FRMPD1: variants seen among roughly 807,000 people sequenced by gnomAD.
FRMPD1 encodes the protein FERM and PDZ domain-containing protein 1.
A neutral mutation model predicts 117.8 loss-of-function variants in FRMPD1; 76 were observed. That is an observed-to-expected ratio of 0.65 (90% CI 0.54 to 0.78). The LOEUF (loss-of-function observed/expected upper bound fraction) is 0.78. Ranked by LOEUF, FRMPD1 falls within the 30% of genes least tolerant of loss-of-function variation. FRMPD1 has a pLI of 0.00. For synonymous variants in FRMPD1, 783 were observed against 770.4 expected (o/e 1.02, Z -0.27); for missense variants, 1,786 against 1,964.5 (o/e 0.91, Z 1.72).
intron 5 of FRMPD1, among the ~76,000 whole-genome samples, chr9:37,713,494 G>A (rs897826743): frequency 1.3e-5 from 2 of 152,014 alleles, no homozygotes; most frequent in Admixed American, 1.3e-4. Flanking sequence ...AGGGGCTTAG[G>A]TGAGAGAATC....
the FRMPD1 span, among the ~76,000 whole-genome samples, chr9:37,639,327 C>T: frequency 1.3e-5 from 2 of 151,938 alleles, no homozygotes; most frequent in African/African-American, 4.8e-5. Flanking sequence ...TGAGAACTGC[C>T]TGGAGCTAGT....
chr9:37,701,471 T>TTG (rs200016680), intron 2 of FRMPD1, among the ~76,000 whole-genome samples: 54 of 123,702 alleles, frequency 4.4e-4, no homozygotes, highest in South Asian at 7.5e-4. Flanking sequence ...GTTGGGGAAA[T>TTG]TGTGTGTGTG....
chr9:37,675,707 A>G (rs1272976692), intron 1 of FRMPD1, among the ~76,000 whole-genome samples: 2 of 152,164 alleles, frequency 1.3e-5, no homozygotes, highest in Non-Finnish European at 2.9e-5. Flanking sequence ...TAGACCTCTG[A>G]TCTGACCTCT....
At chr9:37,639,423 G>A in the FRMPD1 span, among the ~76,000 whole-genome samples, 1 of 152,168 alleles carries the variant, frequency 6.6e-6, no homozygotes, top group Admixed American at 6.5e-5. Flanking sequence ...TGAATTTGCT[G>A]TGGCTCTGCA....
intron 5 of FRMPD1, among the ~76,000 whole-genome samples, chr9:37,718,849 T>C (rs113260999): frequency 0.01 from 1,559 of 152,352 alleles, 26 homozygotes; most frequent in African/African-American, 0.034. Flanking sequence ...TTTGCTACCA[T>C]GTTGAATGTC....
chr9:37,638,009 T>TC, the FRMPD1 span, among the ~76,000 whole-genome samples: 98 of 126,738 alleles, frequency 7.7e-4, 2 homozygotes, highest in African/African-American at 2.6e-3. Context: ...TCTTTCTTTC[T>TC]TTCTTTCTTT....
At chr9:37,636,954 C>A in the FRMPD1 span, 1 of 1,600,788 alleles carries the variant, frequency 6.2e-7, no homozygotes, top group South Asian at 1.1e-5. Context: ...AGCTTATTGA[C>A]GTTCTCGCTG....
intron 1 of FRMPD1, among the ~76,000 whole-genome samples, chr9:37,657,518 T>G (rs1272022326): frequency 6.6e-6 from 1 of 152,242 alleles, no homozygotes; most frequent in African/African-American, 2.4e-5. Context: ...TACCTGTGAA[T>G]GTGCTGTTAG....
intron 1 of FRMPD1, among the ~76,000 whole-genome samples, chr9:37,671,320 A>C (rs918464340): frequency 6.6e-6 from 1 of 152,336 alleles, no homozygotes; most frequent in African/African-American, 2.4e-5. Context: ...CTTGAATGTC[A>C]TGAATATTTA....
chr9:37,660,525 T>C (rs967221272), intron 1 of FRMPD1, among the ~76,000 whole-genome samples: 2 of 152,200 alleles, frequency 1.3e-5, no homozygotes, highest in Non-Finnish European at 1.5e-5. Context: ...ACTGCACTGC[T>C]TAGAGACCTC....
At chr9:37,723,600 A>G (rs1429591906) in intron 6 of FRMPD1, among the ~76,000 whole-genome samples, 1 of 152,184 alleles carries the variant, frequency 6.6e-6, no homozygotes, top group Non-Finnish European at 1.5e-5. Flanking sequence ...GCTCACGCCT[A>G]TAATCCTAGT....
At chr9:37,649,126 C>T (rs551418339), upstream of FRMPD1, among the ~76,000 whole-genome samples, 4 of 152,272 alleles carry the variant, frequency 2.6e-5, no homozygotes, top group Admixed American at 2.6e-4. Context: ...AACATTTGTA[C>T]TCACCGGACA....
At chr9:37,696,051 C>CTTTTTTTTTTTTT (rs61521469) in intron 2 of FRMPD1, among the ~76,000 whole-genome samples, 27 of 78,104 alleles carry the variant, frequency 3.5e-4, no homozygotes, top group Non-Finnish European at 5.0e-4. Flanking sequence ...CATTGTTTTG[C>CTTTTTTTTTTTTT]TTTTTTTTTT....
intron 2 of FRMPD1, among the ~76,000 whole-genome samples, chr9:37,705,308 A>C (rs935796831): frequency 1.3e-5 from 2 of 152,066 alleles, no homozygotes; most frequent in Non-Finnish European, 2.9e-5. Flanking sequence ...TTATCCTACT[A>C]CATTAAATAA....
At position 37,740,950 on chromosome 9, in the gene FRMPD1, G is replaced by T. The variant is rs761711413; in HGVS notation, c.2356+66G>T. The T allele has an allele frequency of 4.0e-6, 5 of 1,241,648 alleles. No individual in the cohort carries two copies. Among genetic ancestry groups the T allele is most frequent in the Non-Finnish European group, 4.7e-6 (4 of 845,090 alleles). 76.9% of individuals were successfully genotyped at this position (1,241,648 alleles called of 1,614,324 possible). On this transcript the variant is annotated intron_variant, in intron 15 of 15. Coordinates refer to ENST00000377765, the MANE Select transcript of FRMPD1 (RefSeq NM_014907.3). This position sits in a 1 kb window ranked among gnomAD's most constrained non-coding sequence, Gnocchi z 4.2. ...TCCTGAGTGCCTCCCGGGGATCAAG[G>T]CCTGGGGCCAAGCTTGAGAGGAAGG...
chr9:37,605,844 A>G, the FRMPD1 span, among the ~76,000 whole-genome samples: 1 of 152,076 alleles, frequency 6.6e-6, no homozygotes. Flanking sequence ...CCTCCTGAGT[A>G]GCTGGGACTA....
At chr9:37,631,115 T>C in the FRMPD1 span, among the ~76,000 whole-genome samples, 1 of 152,152 alleles carries the variant, frequency 6.6e-6, no homozygotes, top group East Asian at 1.9e-4. Context: ...TGATGTCGCC[T>C]GGGTCTTGAA....
chr9:37,643,952 A>G, the FRMPD1 span, among the ~76,000 whole-genome samples: 2 of 152,200 alleles, frequency 1.3e-5, no homozygotes, highest in African/African-American at 4.8e-5. Flanking sequence ...TGCTTATTGC[A>G]AGGGCATCTG....
chr9:37,615,664 C>A, the FRMPD1 span, among the ~76,000 whole-genome samples: 1 of 152,090 alleles, frequency 6.6e-6, no homozygotes, highest in Non-Finnish European at 1.5e-5. Context: ...TTTACAGCCT[C>A]GAGATTTTAG....
Sources: allele counts gnomAD v4.1 joint callset (sites outside exome capture counted in the v4.1 genomes callset), GRCh38; gene constraint gnomAD v4.1.1; non-coding constraint Gnocchi (gnomAD v3.1); transcripts MANE v1.5; gene names NCBI Gene and HGNC (gene_info 2026-07-23, HGNC 2026-07-21).